The following CASP8 variants were observed in gnomAD, a reference collection of about 807,000 sequenced individuals.
CASP8 encodes caspase-8.
In CASP8, 24 loss-of-function variants were observed where a neutral mutation model predicts 46.3. The observed-to-expected ratio is 0.52, with a 90% CI of 0.38 to 0.73. The LOEUF (loss-of-function observed/expected upper bound fraction) is 0.73. CASP8 is among the 30% of genes least tolerant of loss of function. The pLI is 0.00. For missense variants in CASP8, 460 were observed against 559.0 expected (o/e 0.82, Z 1.79); for synonymous variants, 188 against 200.4 (o/e 0.94, Z 0.52).
At position 201,271,458 on chromosome 2, in the gene CASP8, A is replaced by T. The variant is rs1210467534; in HGVS notation, c.306-58A>T. 3 of 1,066,024 alleles carry T rather than the reference A, an allele frequency of 2.8e-6. No individual in the cohort carries two copies. The African/African-American group carries it at 4.7e-5, about 17-fold the overall frequency. 66.0% of individuals were successfully genotyped at this position (1,066,024 alleles called of 1,614,324 possible). On this transcript the variant is annotated intron_variant, in intron 2 of 8. Coordinates refer to ENST00000673742, the MANE Select transcript of CASP8 (RefSeq NM_001372051.1). ...AATCAAGCCCACTGTGACTCCATAT[A>T]TCAAATGGGAAATTATTTGGGAAAA... is the stretch of plus-strand genomic sequence containing the variant.
chr2:201,268,907 C>CTT (rs1337618324), intron 2 of CASP8, among the ~76,000 whole-genome samples: 2 of 113,506 alleles, frequency 1.8e-5, no homozygotes, highest in East Asian at 6.0e-4. Context: ...ATGGCCTCAT[C>CTT]TTTGTGTGTG....
intron 2 of CASP8, among the ~76,000 whole-genome samples, chr2:201,267,970 AGGCTAGAGTGCAGT>A (rs1291384462): frequency 6.6e-6 from 1 of 152,154 alleles, no homozygotes; most frequent in Non-Finnish European, 1.5e-5. Flanking sequence ...TTCATCACCC[AGGCTAGAGTGCAGT>A]GGCATGATCT....
chr2:201,256,165 A>G (rs1374169663), upstream of CASP8, among the ~76,000 whole-genome samples: 22 of 152,126 alleles, frequency 1.4e-4, no homozygotes, highest in Admixed American at 1.4e-3. Context: ...GAGCTGGAAG[A>G]CTCATATTTT....
intron 8 of CASP8, among the ~76,000 whole-genome samples, chr2:201,286,012 T>C (rs1459488462): frequency 1.3e-5 from 2 of 152,168 alleles, no homozygotes; most frequent in Non-Finnish European, 1.5e-5. Context: ...TGCTAAGAGA[T>C]CCTGGTGAGA....
At chr2:201,236,251 G>A (rs575264392) in intron 2 of CASP8, among the ~76,000 whole-genome samples, 14 of 152,092 alleles carry the variant, frequency 9.2e-5, no homozygotes, top group African/African-American at 1.7e-4. Context: ...TTGCTTTAGC[G>A]GCATCCCATG....
intron 7 of CASP8, among the ~76,000 whole-genome samples, chr2:201,284,164 G>C (rs1374379611): frequency 6.8e-5 from 1 of 14,606 alleles, no homozygotes; most frequent in Non-Finnish European, 1.4e-4. Flanking sequence ...ATGGGATGGC[G>C]GCCGGGCAGA....
chr2:201,284,867 A>G lies in CASP8; in HGVS notation c.854A>G (p.Asp285Gly), dbSNP rs548071756. The G allele has an allele frequency of 2.5e-6, 4 of 1,614,172 alleles. No homozygotes were observed. In the South Asian group the frequency reaches 3.3e-5, roughly 13 times the overall value. Residue 285 changes from aspartate (D) to glycine (G), a missense_variant, in exon 8 of 9, where the codon GAT becomes GGT. Asp to Gly is a moderately conservative substitution (Grantham distance 94). Coordinates refer to ENST00000673742, the MANE Select transcript of CASP8 (RefSeq NM_001372051.1). ...CTTCATTTTGAGATCAAGCCCCACGATGACTGCACAGTAGAGCAAATCTAT... is the reference window on the plus strand; with the variant it reads ...CTTCATTTTGAGATCAAGCCCCACGGTGACTGCACAGTAGAGCAAATCTAT... Reference protein sequence around the residue: ...EELHFEIKPHDDCTVEQIYEI... With the variant: ...EELHFEIKPHGDCTVEQIYEI...
chr2:201,268,922 T>C (rs1387886908), intron 2 of CASP8, among the ~76,000 whole-genome samples: 1 of 130,428 alleles, frequency 7.7e-6, no homozygotes. Flanking sequence ...TGTGTGTGTG[T>C]GTGTGTGTGT....
rs753991069 is a variant in CASP8, at chr2:201,284,997, A to G, written c.984A>G (p.Gly328=). 6.2e-7 allele frequency: 1 copy of G among 1,614,114 alleles called. No homozygotes were observed. Among genetic ancestry groups the G allele is most frequent in the Non-Finnish European group, 8.5e-7 (1 of 1,179,992 alleles). Residue 328 remains glycine (G), a synonymous_variant, in exon 8 of 9, where the codon GGA becomes GGG. Coordinates refer to ENST00000673742, the MANE Select transcript of CASP8 (RefSeq NM_001372051.1). ...GDKGIIYGTD[G]QEAPIYELTS... is the part of the protein sequence containing the mutation. ...AGGGCATCATCTATGGCACTGATGG[A>G]CAGGAGGCCCCCATCTATGAGCTGA...
chr2:201,280,005 A>G (rs1170294085), intron 7 of CASP8, among the ~76,000 whole-genome samples: 1 of 152,180 alleles, frequency 6.6e-6, no homozygotes, highest in African/African-American at 2.4e-5. Context: ...ACAACAAGAA[A>G]AACATGAAAC....
chr2:201,267,217 CCT>C (rs1447155290), intron 2 of CASP8, among the ~76,000 whole-genome samples: 2 of 151,936 alleles, frequency 1.3e-5, no homozygotes, highest in Non-Finnish European at 2.9e-5. Context: ...TCATTTTTTT[CCT>C]CTCTTATCTT....
At chr2:201,245,079 T>C (rs757729669) in intron 2 of CASP8, among the ~76,000 whole-genome samples, 1 of 152,148 alleles carries the variant, frequency 6.6e-6, no homozygotes, top group Admixed American at 6.5e-5. Context: ...ATAGAGAGCA[T>C]AGGGCGTCCA....
chr2:201,253,045 T>C (rs1378979215), intron 2 of CASP8, among the ~76,000 whole-genome samples: 1 of 152,062 alleles, frequency 6.6e-6, no homozygotes, highest in African/African-American at 2.4e-5. Flanking sequence ...AGTGCAGTGA[T>C]GCAATCATAG....
intron 2 of CASP8, among the ~76,000 whole-genome samples, chr2:201,243,482 A>G (rs986169813): frequency 9.9e-5 from 15 of 152,240 alleles, no homozygotes; most frequent in African/African-American, 3.6e-4. Flanking sequence ...TAAGAAACTC[A>G]GACAGAAAAA....
At chr2:201,250,626 C>T (rs1946737007) in intron 2 of CASP8, among the ~76,000 whole-genome samples, 1 of 152,188 alleles carries the variant, frequency 6.6e-6, no homozygotes, top group African/African-American at 2.4e-5. Context: ...TATTAGAAAC[C>T]ACCCCCAAGA....
intron 2 of CASP8, among the ~76,000 whole-genome samples, chr2:201,243,295 A>G (rs1231002619): frequency 2.0e-5 from 3 of 152,232 alleles, no homozygotes; most frequent in Non-Finnish European, 4.4e-5. Context: ...TAGGATTCCT[A>G]TACATAAAAA....
At chr2:201,271,110 T>G (rs1948216736) in intron 2 of CASP8, among the ~76,000 whole-genome samples, 1 of 152,136 alleles carries the variant, frequency 6.6e-6, no homozygotes, top group African/African-American at 2.4e-5. Context: ...GCCGTCTTAC[T>G]GAAGATAATG....
At chr2:201,277,833 T>C (rs1167189536) in intron 7 of CASP8, 5 of 331,492 alleles carry the variant, frequency 1.5e-5, no homozygotes, top group Admixed American at 9.1e-5. Context: ...CCCAAGTAGC[T>C]GGGACTACAG....
chr2:201,253,786 T>G (rs1212881754), intron 2 of CASP8, among the ~76,000 whole-genome samples: 2 of 152,072 alleles, frequency 1.3e-5, no homozygotes, highest in Non-Finnish European at 2.9e-5. Context: ...TGCCCAAACC[T>G]TTAAGAAAAT....
Sources: allele counts gnomAD v4.1 joint callset (sites outside exome capture counted in the v4.1 genomes callset), GRCh38; gene constraint gnomAD v4.1.1; transcripts MANE v1.5; gene names NCBI Gene and HGNC (gene_info 2026-07-23, HGNC 2026-07-21).